Variants in SEC16B observed in about 807,000 individuals in gnomAD.
SEC16B encodes the protein SEC16 homolog B, endoplasmic reticulum export factor.
SEC16B carries 115 observed loss-of-function variants against 141.8 expected under a neutral mutation model. That is an observed-to-expected ratio of 0.81 (90% CI 0.70 to 0.95). The LOEUF (loss-of-function observed/expected upper bound fraction) is 0.95, where lower values mean the gene tolerates loss of function less well. Among genes scored for constraint, SEC16B ranks in the 40% least tolerant of loss-of-function variants. The pLI, the probability that SEC16B is intolerant of heterozygous loss-of-function variation, is 0.00. For synonymous variants in SEC16B, 493 were observed against 492.5 expected (o/e 1.00, Z -0.01); for missense variants, 1,291 against 1,312.3 (o/e 0.98, Z 0.25).
At chr1:177,938,064 T>TC (rs1182942327) in intron 18 of SEC16B, among the ~76,000 whole-genome samples, 13 of 152,338 alleles carry the variant, frequency 8.5e-5, no homozygotes, top group Admixed American at 2.0e-4. Context: ...CCACAAGGTT[T>TC]TTTTTCTCTG....
chr1:177,962,220 C>T (rs191934972), intron 5 of SEC16B, among the ~76,000 whole-genome samples: 3 of 152,014 alleles, frequency 2.0e-5, no homozygotes, highest in Admixed American at 6.5e-5. Flanking sequence ...ACTACAGGCA[C>T]GCCACCACGC....
At chr1:177,932,658 G>T (rs757804751) in intron 23 of SEC16B, 40 bp downstream of exon 23, 13 of 1,527,008 alleles carry the variant, frequency 8.5e-6, no homozygotes, top group Non-Finnish European at 1.1e-5. Flanking sequence ...GGAGTGCTGA[G>T]GGGACCACCC....
At chr1:177,944,698 G>A (rs373028416) in intron 14 of SEC16B, 32 bp from the exon 15 acceptor site, 10 of 1,562,904 alleles carry the variant, frequency 6.4e-6, no homozygotes, top group African/African-American at 1.4e-5. Context: ...AAAAGAGATT[G>A]AGGTGTGGGG....
At chr1:177,934,368 C>T (rs540702780) in intron 20 of SEC16B, among the ~76,000 whole-genome samples, 2 of 152,302 alleles carry the variant, frequency 1.3e-5, no homozygotes, top group East Asian at 3.9e-4. Flanking sequence ...TTCTATGTAT[C>T]TCACGTAGGT....
At chr1:177,930,343 G>A (rs1650324068) in intron 25 of SEC16B, among the ~76,000 whole-genome samples, 1 of 152,084 alleles carries the variant, frequency 6.6e-6, no homozygotes, top group Admixed American at 6.5e-5. Context: ...CCATTTTCTG[G>A]GTTCCAGGCC....
At chr1:177,948,198 A>G (rs955511693) in intron 12 of SEC16B, among the ~76,000 whole-genome samples, 3 of 152,194 alleles carry the variant, frequency 2.0e-5, no homozygotes, top group African/African-American at 7.2e-5. Context: ...TGGATAAATA[A>G]AATGACATTG....
chr1:177,932,680 G>A lies in SEC16B; in HGVS notation c.2932+18C>T, dbSNP rs754530504. The A allele has an allele frequency of 2.6e-6, 4 of 1,557,862 alleles. No individual in the cohort carries two copies. The Admixed American group carries it at 7.5e-5, about 29-fold the overall frequency. ...TGAGGGGACCACCCATGGCCCAGAG[G>A]ACGTGAGGTGACGGTACCTCTGCCC... On this transcript the variant is annotated intron_variant, in intron 23 of 25. Coordinates refer to ENST00000308284, the MANE Select transcript of SEC16B (RefSeq NM_033127.4).
rs1303126524 is a variant in SEC16B at position 177,967,673 on chromosome 1, A to G, written c.299+10T>C. The G allele has an allele frequency of 1.3e-6, 2 of 1,575,690 alleles. No individual in the cohort carries two copies. The highest frequency in any genetic ancestry group is 1.7e-5 in the Admixed American group (1 of 57,514). On this transcript the variant is annotated intron_variant, in intron 2 of 25. Coordinates refer to ENST00000308284, the MANE Select transcript of SEC16B (RefSeq NM_033127.4). ...GAGAGTTGCATTCATTCCAAGCCCT[A>G]AAGCCATACCTTGAATACAACTGAT...
chr1:177,936,555 C>T (rs1650858894), intron 19 of SEC16B, among the ~76,000 whole-genome samples, 190 bp from the exon 20 acceptor site: 1 of 152,214 alleles, frequency 6.6e-6, no homozygotes, highest in South Asian at 2.1e-4. Context: ...CACCCCAGGA[C>T]ATGCTGTTCA....
chr1:177,945,123 G>A (rs1209090541), intron 14 of SEC16B, among the ~76,000 whole-genome samples: 1 of 152,206 alleles, frequency 6.6e-6, no homozygotes, highest in African/African-American at 2.4e-5. Context: ...CGGGAGCACT[G>A]AGACCAAAAG....
chr1:177,929,942 A>G lies in SEC16B; in HGVS notation c.3112-13T>C. On this transcript the variant is annotated splice_polypyrimidine_tract_variant and intron_variant, in intron 25 of 25. Transcript: ENST00000308284. ...TGGCCGTGGGCAGCTGGAAAAGAAG[A>G]ACAAATATTACACTGAGTACAGCCC... 1 of 1,613,180 alleles carries G rather than the reference A, an allele frequency of 6.2e-7. No homozygotes were observed. The highest frequency in any genetic ancestry group is 8.5e-7 in the Non-Finnish European group (1 of 1,179,574).
At chr1:177,975,574 G>C (rs1383799316) in intron 1 of SEC16B, among the ~76,000 whole-genome samples, 1 of 152,112 alleles carries the variant, frequency 6.6e-6, no homozygotes, top group African/African-American at 2.4e-5. Context: ...CTAATCTTGA[G>C]AGGCCCACTC....
At position 177,933,273 on chromosome 1, in the gene SEC16B, G is replaced by T. The variant is rs1180753442; in HGVS notation, c.2764C>A (p.Pro922Thr). 6.3e-7 allele frequency: 1 copy of T among 1,599,722 alleles called. No homozygotes were observed. The highest frequency in any genetic ancestry group is 1.1e-5 in the South Asian group (1 of 88,274). Residue 922 changes from proline to threonine, a missense_variant, in exon 22 of 26, where the codon CCC becomes ACC. Pro to Thr is a conservative substitution (Grantham distance 38). Coordinates refer to ENST00000308284, the MANE Select transcript of SEC16B (RefSeq NM_033127.4). ...FGWFSWFRSK[P>T]TKNASPAGDE... Reference sequence around the variant, plus strand: ...CCAGCGGGGGATGCGTTCTTGGTGGGCTTCGATCGAAACCAGCTGAACCAG... The same window carrying T: ...CCAGCGGGGGATGCGTTCTTGGTGGTCTTCGATCGAAACCAGCTGAACCAG...
In SEC16B at chr1:177,965,979, C is replaced by G. The variant is rs550949368; in HGVS notation, c.326G>C (p.Ser109Thr). Residue 109 changes from serine (S) to threonine (T), a missense_variant, in exon 3 of 26, where the codon AGC (serine) becomes ACC (threonine). Physicochemically the swap from Ser to Thr is moderately conservative, Grantham distance 58. Transcript: ENST00000308284. ...CTCCCTCATTGTGGGAGACTGATAGCTCTGATATGAATTCTCATAACCTGG... is the reference window on the plus strand; with the variant it reads ...CTCCCTCATTGTGGGAGACTGATAGGTCTGATATGAATTCTCATAACCTGG... ...SRPGYENSYQ[S>T]YQSPTMREEY... 66 of 1,590,694 alleles carry G rather than the reference C, an allele frequency of 4.1e-5. 2 individuals are homozygous for G. The South Asian group carries it at 6.9e-4, about 17-fold the overall frequency.
chr1:177,930,259 C>T (rs1650316001), intron 25 of SEC16B, among the ~76,000 whole-genome samples: 1 of 152,184 alleles, frequency 6.6e-6, no homozygotes. Context: ...CTGATACCAA[C>T]ACCAACTGTG....
In SEC16B at chr1:177,960,348, A is replaced by G; in HGVS notation, c.992T>C (p.Leu331Ser). Residue 331 changes from leucine to serine, a missense_variant, in exon 8 of 26, where the codon TTG becomes TCG. Physicochemically the swap from Leu to Ser is moderately radical, Grantham distance 145. Around this residue, in one of 3 missense-constraint regions of SEC16B, gnomAD observed 681 missense variants for 675.5 expected, o/e 1.01. Transcript: ENST00000308284. Reference protein sequence around the residue: ...QEEMRSFSGPLIREDVHKVDI... With the variant: ...QEEMRSFSGPSIREDVHKVDI... ...AGCTCTTACAGCACTATACCTAATC[A>G]AGGGTCCTGAGAAACTTCTCATCTC... The G allele has an allele frequency of 3.1e-6, 5 of 1,599,390 alleles. No homozygotes were observed. The highest frequency in any genetic ancestry group is 3.4e-6 in the Non-Finnish European group (4 of 1,168,694).
chr1:177,961,907 G>A (rs1023270551), intron 5 of SEC16B, among the ~76,000 whole-genome samples, 173 bp from the exon 6 acceptor site: 3 of 152,222 alleles, frequency 2.0e-5, no homozygotes, highest in Non-Finnish European at 4.4e-5. Context: ...CCAATGGAAA[G>A]AGTGCAGGCC....
upstream of SEC16B, among the ~76,000 whole-genome samples, chr1:177,970,675 GA>G (rs781601165): frequency 3.3e-5 from 5 of 152,196 alleles, no homozygotes; most frequent in Non-Finnish European, 5.9e-5. Context: ...GTACTGAACT[GA>G]AGGCACTAAA....
At chr1:177,957,447 A>C (rs1304103288) in intron 10 of SEC16B, among the ~76,000 whole-genome samples, 2 of 152,182 alleles carry the variant, frequency 1.3e-5, no homozygotes, top group African/African-American at 4.8e-5. Context: ...TTTCTTTTTA[A>C]TATATATGCA....
Sources: gnomAD v4.1 joint callset for allele counts (sites outside exome capture counted in the v4.1 genomes callset) on GRCh38, gnomAD v4.1.1 for gene constraint, gnomAD v4.1.1 regional missense constraint, MANE v1.5 for transcripts, NCBI Gene and HGNC (gene_info 2026-07-23, HGNC 2026-07-21) for gene names.